The following DPYD variants were observed in gnomAD, a reference collection of about 807,000 sequenced individuals.
DPYD encodes the protein dihydropyrimidine dehydrogenase, also known as dihydropyrimidine dehydrogenase [NADP(+)].
A neutral mutation model predicts 116.2 loss-of-function variants in DPYD; 109 were observed. The ratio of observed to expected loss-of-function variants is 0.94; its 90% CI spans 0.80 to 1.10. The LOEUF is 1.10. Ranked by LOEUF, DPYD falls within the 50% of genes least tolerant of loss-of-function variation. The pLI, the probability that DPYD is intolerant of heterozygous loss-of-function variation, is 0.00. For missense variants in DPYD, 1,302 were observed against 1,254.5 expected, an observed-to-expected ratio of 1.04 and a Z score of -0.57; for synonymous variants, 440 against 432.0, an observed-to-expected ratio of 1.02 and a Z score of -0.23.
chr1:97,530,363 G>A (rs750488292), intron 12 of DPYD, among the ~76,000 whole-genome samples: 13 of 151,612 alleles, frequency 8.6e-5, no homozygotes, highest in East Asian at 1.9e-4. Context: ...GACTACAGGC[G>A]CCCACCACCA....
intron 1 of DPYD, among the ~76,000 whole-genome samples, chr1:97,916,852 A>G (rs543792835): frequency 6.6e-6 from 1 of 152,244 alleles, no homozygotes; most frequent in East Asian, 1.9e-4. Flanking sequence ...CTATTTTAAA[A>G]AACTGCACTG....
intron 2 of DPYD, among the ~76,000 whole-genome samples, chr1:97,853,186 C>T (rs1044802795): frequency 2.0e-5 from 3 of 152,148 alleles, no homozygotes; most frequent in Non-Finnish European, 4.4e-5. Flanking sequence ...TTGCATAACC[C>T]AGTGCTTGTT....
rs79555078 is a variant in DPYD, at chr1:97,196,734, C to A, written c.2443-3486G>T. ...GGAAAGTTAAATGACTTGCTCCAGGCCCCATGGTTAGAAAGTGGTGGCACC... is the reference window on the plus strand; with the variant it reads ...GGAAAGTTAAATGACTTGCTCCAGGACCCATGGTTAGAAAGTGGTGGCACC... On this transcript the variant is annotated intron_variant, in intron 19 of 22. Coordinates refer to ENST00000370192, the MANE Select transcript of DPYD (RefSeq NM_000110.4). 7.9e-5 allele frequency among the ~76,000 whole-genome samples: 12 copies of A among 152,192 alleles called. No homozygotes were observed. In the East Asian group the frequency reaches 2.3e-3, roughly 29 times the overall value.
chr1:97,731,567 C>A (rs1227784250), intron 4 of DPYD, among the ~76,000 whole-genome samples: 1 of 151,880 alleles, frequency 6.6e-6, no homozygotes, highest in African/African-American at 2.4e-5. Context: ...AATCTGCATA[C>A]TTTGTTAATA....
chr1:97,393,675 T>C (rs1219140802), intron 14 of DPYD, among the ~76,000 whole-genome samples: 1 of 152,160 alleles, frequency 6.6e-6, no homozygotes. Context: ...TTCCACATTT[T>C]CTTAATCCAG....
At chr1:97,386,192 A>G (rs540215209) in intron 14 of DPYD, among the ~76,000 whole-genome samples, 11 of 152,248 alleles carry the variant, frequency 7.2e-5, no homozygotes, top group Admixed American at 1.3e-4. Context: ...CTTGCCCAGA[A>G]AGATGAGAAA....
intron 18 of DPYD, among the ~76,000 whole-genome samples, chr1:97,237,381 T>C (rs181980635): frequency 6.6e-6 from 1 of 152,262 alleles, no homozygotes; most frequent in East Asian, 1.9e-4. Flanking sequence ...AATGTCTACT[T>C]GTGGCTCCCA....
intron 8 of DPYD, among the ~76,000 whole-genome samples, chr1:97,613,455 A>T (rs946979351): frequency 6.6e-6 from 1 of 151,974 alleles, no homozygotes; most frequent in Non-Finnish European, 1.5e-5. Flanking sequence ...CATATTTATC[A>T]TCTGTTTTAC....
chr1:97,583,032 G>T (rs1653803125), intron 10 of DPYD, among the ~76,000 whole-genome samples: 1 of 152,042 alleles, frequency 6.6e-6, no homozygotes, highest in African/African-American at 2.4e-5. Context: ...GCAGGGGTGT[G>T]ATCTCCACTC....
intron 20 of DPYD, among the ~76,000 whole-genome samples, chr1:97,100,065 C>T (rs1650553271): frequency 6.6e-6 from 1 of 151,952 alleles, no homozygotes; most frequent in Non-Finnish European, 1.5e-5. Context: ...CACCTTAATG[C>T]TTTCTTAATT....
At chr1:97,594,075 A>G (rs1654712211) in intron 9 of DPYD, among the ~76,000 whole-genome samples, 1 of 152,208 alleles carries the variant, frequency 6.6e-6, no homozygotes, top group South Asian at 2.1e-4. Context: ...TCCTTGTAAA[A>G]AAAGTAAAAT....
intron 8 of DPYD, among the ~76,000 whole-genome samples, chr1:97,643,519 C>G (rs1054943475): frequency 6.6e-6 from 1 of 152,174 alleles, no homozygotes; most frequent in African/African-American, 2.4e-5. Flanking sequence ...TTGTGGATGA[C>G]AGTGTGACAA....
At chr1:97,557,502 G>GAT (rs1420808333) in intron 11 of DPYD, among the ~76,000 whole-genome samples, 1 of 151,738 alleles carries the variant, frequency 6.6e-6, no homozygotes, top group Non-Finnish European at 1.5e-5. Context: ...TTTTAGTAGG[G>GAT]ATGGGGTTTC....
intron 14 of DPYD, among the ~76,000 whole-genome samples, chr1:97,426,648 A>G (rs1217401746): frequency 2.0e-5 from 3 of 152,116 alleles, no homozygotes; most frequent in East Asian, 3.9e-4. Flanking sequence ...GGGTAGGCAG[A>G]GACAATGGAA....
chr1:97,589,724 C>T (rs1319160380), intron 10 of DPYD, among the ~76,000 whole-genome samples: 1 of 152,196 alleles, frequency 6.6e-6, no homozygotes, highest in African/African-American at 2.4e-5. Context: ...GAGAATTAGA[C>T]TGCACCATCA....
intron 13 of DPYD, among the ~76,000 whole-genome samples, chr1:97,465,260 G>GC (rs2101834738): frequency 6.6e-6 from 1 of 152,252 alleles, no homozygotes; most frequent in East Asian, 1.9e-4. Context: ...TGATTTTACA[G>GC]CCTCATAGGT....
intron 20 of DPYD, among the ~76,000 whole-genome samples, chr1:97,186,008 A>T (rs1657969458): frequency 6.6e-6 from 1 of 152,204 alleles, no homozygotes; most frequent in South Asian, 2.1e-4. Context: ...GTGGCATAGA[A>T]GATACAAAAC....
At chr1:97,459,991 A>C (rs905154749) in intron 13 of DPYD, among the ~76,000 whole-genome samples, 2 of 152,188 alleles carry the variant, frequency 1.3e-5, no homozygotes, top group African/African-American at 4.8e-5. Context: ...AAGGAATATA[A>C]TTGAGGAGGC....
intron 7 of DPYD, among the ~76,000 whole-genome samples, chr1:97,683,201 T>C (rs1467005966): frequency 1.3e-5 from 2 of 151,880 alleles, no homozygotes; most frequent in Non-Finnish European, 2.9e-5. Context: ...GAAAATAAAA[T>C]GAAGAAATTT....
Sources: gnomAD v4.1 joint callset for allele counts (sites outside exome capture counted in the v4.1 genomes callset) on GRCh38, gnomAD v4.1.1 for gene constraint, MANE v1.5 for transcripts, NCBI Gene and HGNC (gene_info 2026-07-23, HGNC 2026-07-21) for gene names.